The following PGLYRP2 variants were observed in gnomAD, a reference collection of about 807,000 sequenced individuals.
PGLYRP2 encodes N-acetylmuramoyl-L-alanine amidase.
PGLYRP2 carries 38 observed loss-of-function variants against 46.2 expected under a neutral mutation model. The ratio of observed to expected loss-of-function variants is 0.82; its 90% CI spans 0.64 to 1.08. The LOEUF is 1.08. PGLYRP2 is among the 50% of genes least tolerant of loss of function. The probability of loss-of-function intolerance (pLI) is 0.00; values close to 1 mark genes in which losing one functional copy is unlikely to be tolerated. For missense variants in PGLYRP2, 713 were observed against 755.9 expected (o/e 0.94, Z 0.67); for synonymous variants, 289 against 329.4 (o/e 0.88, Z 1.33).
At chr19:15,479,255 G>A in intron 1 of PGLYRP2, 56 bp downstream of exon 1, 2 of 1,575,220 alleles carry the variant, frequency 1.3e-6, no homozygotes, top group Non-Finnish European at 1.7e-6. Context: ...TGGGACAGCA[G>A]TACGCCTTCT....
intron 2 of PGLYRP2, 28 bp from the exon 3 acceptor site, chr19:15,472,128 G>T (rs753147386): frequency 1.5e-5 from 23 of 1,567,710 alleles, no homozygotes; most frequent in Non-Finnish European, 1.9e-5. Flanking sequence ...GAAGGCTGGG[G>T]TCAGGAACTG....
intron 2 of PGLYRP2, among the ~76,000 whole-genome samples, chr19:15,473,958 A>G (rs968328713): frequency 6.6e-6 from 1 of 152,238 alleles, no homozygotes; most frequent in African/African-American, 2.4e-5. Context: ...AAAGGAAAAC[A>G]TGCTCAACAT....
intron 2 of PGLYRP2, among the ~76,000 whole-genome samples, chr19:15,473,470 CAAAAAAAAAAAAAAAAAAAAAA>C (rs56053684): frequency 0.016 from 579 of 36,500 alleles, 13 homozygotes; most frequent in African/African-American, 0.054. Context: ...AACTCTGTCT[CAAAAAAAAAAAAAAAAAAAAAA>C]AAAAAAAAAA....
Position 15,476,257 on chromosome 19 carries a change from A to G in PGLYRP2, c.413T>C (p.Ile138Thr), listed in dbSNP as rs1970794788. The change falls in exon 2 of 5, where the codon ATA becomes ACA. Residue 138 changes from isoleucine to threonine, a missense_variant. Transcript: ENST00000340880. ...AGCCATGCTGTCCAAGGGCAAATTT[A>G]TGACCCTGCGCCCTTGCAGCCCTGC... Reference protein sequence around the residue: ...LEAGLQGRRVINLPLDSMAAP... With the variant: ...LEAGLQGRRVTNLPLDSMAAP... 6.2e-7 allele frequency: 1 copy of G among 1,614,048 alleles called. No homozygotes were observed. Among genetic ancestry groups the G allele is most frequent in the Non-Finnish European group, 8.5e-7 (1 of 1,180,000 alleles).
intron 2 of PGLYRP2, among the ~76,000 whole-genome samples, chr19:15,473,395 A>T (rs1203879385): frequency 7.1e-6 from 1 of 141,834 alleles, no homozygotes; most frequent in Admixed American, 7.7e-5. Flanking sequence ...GCTTGAACCC[A>T]GGAGGCAGAG....
chr19:15,475,430 T>A, intron 2 of PGLYRP2, 108 bp downstream of exon 2: 2 of 1,074,360 alleles, frequency 1.9e-6, no homozygotes, highest in Non-Finnish European at 2.7e-6. Context: ...ACCAGATCCC[T>A]TATTGCCCCC....
rs1970753473 is a variant in PGLYRP2 at position 15,471,947 on chromosome 19, A to C, written c.1286T>G (p.Met429Arg). ...CTGGTGGTAGCGCTGCATGGAGCGC[A>C]TGTTGGCTGCGCAGCGCGTGAAGTC... ...CTDFTRCAANMRSMQRYHQDT... is the reference protein window; with the variant it reads ...CTDFTRCAANRRSMQRYHQDT... The change falls in exon 3 of 5, where the codon ATG becomes AGG. Residue 429 changes from methionine (M) to arginine (R), a missense_variant. Coordinates refer to ENST00000340880, the MANE Select transcript of PGLYRP2 (RefSeq NM_052890.4). 3 of 1,613,616 alleles carry C rather than the reference A, an allele frequency of 1.9e-6. No individual in the cohort carries two copies. The highest frequency in any genetic ancestry group is 2.5e-6 in the Non-Finnish European group (3 of 1,179,716).
rs199954094 is a variant in PGLYRP2, at chr19:15,471,993, C to T, written c.1240G>A (p.Val414Met). 1.2e-6 allele frequency: 2 copies of T among 1,613,936 alleles called. No homozygotes were observed. The highest frequency in any genetic ancestry group is 1.6e-4 in the Middle Eastern group (1 of 6,062). ...AAGTCCGTGCAGGGTGGTGCAGGCA[C>T]GTAGGTGTGATGCACGTACAAGAAT... ...LGFLYVHHTY[V>M]PAPPCTDFTR... Residue 414 changes from valine (V) to methionine (M), a missense_variant, in exon 3 of 5, where the codon GTG becomes ATG. Coordinates refer to ENST00000340880, the MANE Select transcript of PGLYRP2 (RefSeq NM_052890.4).
At chr19:15,475,324 A>G (rs555681442) in intron 2 of PGLYRP2, among the ~76,000 whole-genome samples, 1 of 152,324 alleles carries the variant, frequency 6.6e-6, no homozygotes, top group Admixed American at 6.5e-5. Context: ...GCAAATAAAT[A>G]TAATGAAGCA....
chr19:15,474,297 A>G (rs1280433526), intron 2 of PGLYRP2, among the ~76,000 whole-genome samples: 1 of 152,176 alleles, frequency 6.6e-6, no homozygotes, highest in Non-Finnish European at 1.5e-5. Flanking sequence ...AGATTGTGCC[A>G]TTGCACTCCA....
Position 15,475,641 on chromosome 19 carries a change from T to C in PGLYRP2, c.1029A>G (p.Leu343=). The C allele has an allele frequency of 1.2e-6, 2 of 1,614,078 alleles. No homozygotes were observed. The highest frequency in any genetic ancestry group is 2.2e-5 in the South Asian group (2 of 91,084). The change falls in exon 2 of 5, where the codon CTA becomes CTG. Residue 343 remains leucine (L), a synonymous_variant. Coordinates refer to ENST00000340880, the MANE Select transcript of PGLYRP2 (RefSeq NM_052890.4). The stretch of plus-strand genomic sequence containing the variant: ...GGAGGTGTACTGGCTCCAGCCTCTG[T>C]AGAAGGACAAGGGTTCCCCACACCT... ...AQQVWGTLVL[L]QRLEPVHLQL...
intron 2 of PGLYRP2, among the ~76,000 whole-genome samples, chr19:15,474,991 AAAAAG>A (rs1211067098): frequency 1.3e-5 from 2 of 152,166 alleles, no homozygotes; most frequent in African/African-American, 2.4e-5. Context: ...AAAAAAAAAA[AAAAAG>A]AAAGAATGTC....
At chr19:15,471,847 C>T in intron 3 of PGLYRP2, 43 bp downstream of exon 3, 1 of 1,593,998 alleles carries the variant, frequency 6.3e-7, no homozygotes, top group East Asian at 2.2e-5. Flanking sequence ...GACCCCATCC[C>T]CGAACGTGGG....
chr19:15,472,327 C>T (rs1970758292), intron 2 of PGLYRP2, among the ~76,000 whole-genome samples: 3 of 151,890 alleles, frequency 2.0e-5, no homozygotes, highest in Admixed American at 2.0e-4. Context: ...TAGTGGGTCT[C>T]ACCTGTAGTC....
Position 15,469,989 on chromosome 19 carries a change from C to T in PGLYRP2, c.1344-60G>A. ...CGTGAGGGGGACCCGGGCCCTTATCCGCTCCCCTCCCCGATTCTGTTGGTG... is the reference window on the plus strand; with the variant it reads ...CGTGAGGGGGACCCGGGCCCTTATCTGCTCCCCTCCCCGATTCTGTTGGTG... On this transcript the variant is annotated intron_variant, in intron 3 of 4. Transcript: ENST00000340880. This position sits in a 1 kb window ranked among gnomAD's most constrained non-coding sequence, Gnocchi z 4.9. The T allele has an allele frequency of 7.5e-7, 1 of 1,339,818 alleles. No individual in the cohort carries two copies. Among genetic ancestry groups the T allele is most frequent in the Non-Finnish European group, 9.6e-7 (1 of 1,046,558 alleles). 83.0% of individuals were successfully genotyped at this position (1,339,818 alleles called of 1,614,324 possible).
chr19:15,476,250 C>A lies in PGLYRP2; in HGVS notation c.420G>T (p.Leu140Phe), dbSNP rs774440761. 1.2e-6 allele frequency: 2 copies of A among 1,614,066 alleles called. No homozygotes were observed. The highest frequency in any genetic ancestry group is 1.7e-5 in the Admixed American group (1 of 60,002). The stretch of plus-strand genomic sequence containing the variant: ...AAGGGGCAGCCATGCTGTCCAAGGG[C>A]AAATTTATGACCCTGCGCCCTTGCA... ...AGLQGRRVINLPLDSMAAPWE... is the reference protein window; with the variant it reads ...AGLQGRRVINFPLDSMAAPWE... Residue 140 changes from leucine (L) to phenylalanine (F), a missense_variant, in exon 2 of 5, where the codon TTG becomes TTT. By Grantham distance (22) the Leu-to-Phe change is conservative. Transcript: ENST00000340880.
At position 15,468,648 on chromosome 19, in the gene PGLYRP2, G is replaced by C; in HGVS notation, c.*15C>G. The C allele has an allele frequency of 6.2e-7, 1 of 1,602,164 alleles. No individual in the cohort carries two copies. ...ATGATGATGCATGAACAGAGACTTT[G>C]TTTCCATGCTGTCTTTATTGGAGGT... is the stretch of plus-strand genomic sequence containing the variant. On this transcript the variant is annotated 3_prime_UTR_variant, in exon 5 of 5. Coordinates refer to ENST00000340880, the MANE Select transcript of PGLYRP2 (RefSeq NM_052890.4).
chr19:15,475,560 C>T lies in PGLYRP2; in HGVS notation c.1110G>A (p.Lys370=). ...CACCCAGGAAGGCCTCAGTGAATTC[C>T]TTGGTAGCATTGGCAGCCACCTGGG... is the stretch of plus-strand genomic sequence containing the variant. ...QLAQVAANAT[K]EFTEAFLGCP... Residue 370 remains lysine (K), a synonymous_variant, in exon 2 of 5, where the codon AAG becomes AAA. Transcript: ENST00000340880. 2 of 1,606,724 alleles carry T rather than the reference C, an allele frequency of 1.2e-6. No individual in the cohort carries two copies. The highest frequency in any genetic ancestry group is 1.7e-6 in the Non-Finnish European group (2 of 1,175,428).
In PGLYRP2 at chr19:15,471,932, C is replaced by A. The variant is rs139692091; in HGVS notation, c.1301G>T (p.Arg434Leu). 1.4e-4 allele frequency: 233 copies of A among 1,614,118 alleles called. No homozygotes were observed. Among genetic ancestry groups the A allele is most frequent in the Admixed American group, 4.8e-4 (29 of 60,028 alleles). ...CCAGCCTTGCGTGTCCTGGTGGTAG[C>A]GCTGCATGGAGCGCATGTTGGCTGC... is the stretch of plus-strand genomic sequence containing the variant. Reference protein sequence around the residue: ...RCAANMRSMQRYHQDTQGWGD... With the variant: ...RCAANMRSMQLYHQDTQGWGD... The change falls in exon 3 of 5, where the codon CGC becomes CTC. Residue 434 changes from arginine (R) to leucine (L), a missense_variant. Physicochemically the swap from Arg to Leu is moderately radical, Grantham distance 102. Coordinates refer to ENST00000340880, the MANE Select transcript of PGLYRP2 (RefSeq NM_052890.4).
Sources: allele counts gnomAD v4.1 joint callset (sites outside exome capture counted in the v4.1 genomes callset), GRCh38; gene constraint gnomAD v4.1.1; non-coding constraint Gnocchi (gnomAD v3.1); transcripts MANE v1.5; gene names NCBI Gene and HGNC (gene_info 2026-07-23, HGNC 2026-07-21).